TENM2: variants seen among roughly 807,000 people sequenced by gnomAD.
TENM2 encodes the protein teneurin-2.
Under a neutral mutation model 245.2 loss-of-function variants are expected in TENM2, and 52 were observed. That is an observed-to-expected ratio of 0.21 (90% confidence interval 0.17 to 0.27). TENM2 has a LOEUF of 0.27. Among genes scored for constraint, TENM2 ranks in the 10% least tolerant of loss-of-function variants. The pLI, the probability that TENM2 is intolerant of heterozygous loss-of-function variation, is 1.00. For missense variants in TENM2, 3,046 were observed against 3,666.8 expected, an observed-to-expected ratio of 0.83 and a Z score of 4.37; for synonymous variants, 1,363 against 1,438.9, an observed-to-expected ratio of 0.95 and a Z score of 1.19.
At chr5:166,993,759 G>T in the TENM2 span, among the ~76,000 whole-genome samples, 1 of 152,170 alleles carries the variant, frequency 6.6e-6, no homozygotes, top group African/African-American at 2.4e-5. Flanking sequence ...GGTGATAAAG[G>T]CGTCTAATTT....
At chr5:168,016,003 A>G (rs1310621910) in intron 5 of TENM2, among the ~76,000 whole-genome samples, 1 of 152,172 alleles carries the variant, frequency 6.6e-6, no homozygotes, top group Non-Finnish European at 1.5e-5. Flanking sequence ...CAAGAGGCCT[A>G]TATTCCCCTC....
intron 5 of TENM2, among the ~76,000 whole-genome samples, chr5:168,034,336 G>A (rs1252282862): frequency 6.6e-5 from 9 of 135,494 alleles, no homozygotes; most frequent in South Asian, 2.3e-4. Context: ...GTGAGACTCC[G>A]TCTAAAAAAA....
intron 2 of TENM2, among the ~76,000 whole-genome samples, chr5:167,648,008 A>G (rs1260844678): frequency 1.3e-5 from 2 of 152,216 alleles, no homozygotes; most frequent in South Asian, 2.1e-4. Context: ...CCAAAAAGCA[A>G]TCCTCAGGAC....
At chr5:167,550,699 A>AGTGTGTGTGT (rs10581183) in intron 2 of TENM2, among the ~76,000 whole-genome samples, 4 of 114,176 alleles carry the variant, frequency 3.5e-5, no homozygotes, top group African/African-American at 3.5e-5. Flanking sequence ...TGTTGTTGTT[A>AGTGTGTGTGT]GTGTGTGTGT....
chr5:168,087,504 G>A (rs970082376), intron 7 of TENM2: 1 of 152,422 alleles, frequency 6.6e-6, no homozygotes, highest in Non-Finnish European at 1.5e-5. Flanking sequence ...AGCTACTCGG[G>A]AGGCTGAGGC....
intron 2 of TENM2, among the ~76,000 whole-genome samples, chr5:167,682,362 T>C (rs892061228): frequency 1.8e-4 from 27 of 151,844 alleles, no homozygotes; most frequent in African/African-American, 5.8e-4. Flanking sequence ...GGGGTTTCAC[T>C]ATGTTGGCCA....
chr5:167,807,124 T>TAAAAAAAAAAAAAAAAAA lies in TENM2; in HGVS notation c.503-68847_503-68830dup, dbSNP rs1178739925. On this transcript the variant is annotated intron_variant, in intron 2 of 28. Coordinates refer to ENST00000518659, the Ensembl canonical transcript of TENM2. ...ACAGTTTGGCCCAAAGCCCCTAGGT[T>TAAAAAAAAAAAAAAAAAA]AAAAAAAAAAAAAAAAAAAAAAAAA... is the stretch of plus-strand genomic sequence containing the variant. Among the ~76,000 whole-genome samples the TAAAAAAAAAAAAAAAAAA allele has an allele frequency of 8.2e-4, 40 of 49,068 alleles. 1 individual carries two copies. Among genetic ancestry groups the TAAAAAAAAAAAAAAAAAA allele is most frequent in the African/African-American group, 1.4e-3 (16 of 11,840 alleles). The allele number at this position is 49,068 out of a possible 152,430, so 32.2% of individuals were successfully genotyped here.
At chr5:167,417,567 T>C (rs1244959316) in intron 2 of TENM2, among the ~76,000 whole-genome samples, 1 of 152,160 alleles carries the variant, frequency 6.6e-6, no homozygotes, top group Non-Finnish European at 1.5e-5. Flanking sequence ...CTAACTATAA[T>C]TGTAATTTAT....
intron 2 of TENM2, among the ~76,000 whole-genome samples, chr5:167,432,722 A>G (rs1582030985): frequency 6.6e-6 from 1 of 151,998 alleles, no homozygotes; most frequent in African/African-American, 2.4e-5. Flanking sequence ...TTTCTATTCC[A>G]GTTAACTTTT....
the TENM2 span, among the ~76,000 whole-genome samples, chr5:167,007,655 T>A: frequency 5.3e-5 from 8 of 152,106 alleles, no homozygotes; most frequent in African/African-American, 1.7e-4. This position sits in a 1 kb window ranked among gnomAD's most constrained non-coding sequence, Gnocchi z 4.2. Flanking sequence ...AAAAATTGAG[T>A]CTTGGCATTC....
chr5:167,274,775 T>G, the TENM2 span, among the ~76,000 whole-genome samples: 7 of 152,042 alleles, frequency 4.6e-5, no homozygotes, highest in Non-Finnish European at 1.5e-5. Context: ...TGTTTTCATA[T>G]GTTTATCTGC....
chr5:167,180,865 T>C, the TENM2 span, among the ~76,000 whole-genome samples: 1 of 151,476 alleles, frequency 6.6e-6, no homozygotes, highest in African/African-American at 2.4e-5. Context: ...TCTTGCTGCC[T>C]CTGGGGTGGC....
intron 2 of TENM2, among the ~76,000 whole-genome samples, chr5:167,628,619 T>C (rs1257486910): frequency 1.3e-5 from 2 of 152,178 alleles, no homozygotes; most frequent in Non-Finnish European, 2.9e-5. Context: ...GAAATCAGGA[T>C]GACACAGTAC....
intron 5 of TENM2, among the ~76,000 whole-genome samples, chr5:168,011,143 G>A (rs1581049233): frequency 1.3e-5 from 2 of 152,208 alleles, no homozygotes; most frequent in Non-Finnish European, 2.9e-5. Flanking sequence ...TCATTAATGA[G>A]GTGGTCAGGG....
exon 27 of TENM2, chr5:168,246,807 C>T: frequency 6.2e-7 from 1 of 1,614,004 alleles, no homozygotes; most frequent in Non-Finnish European, 8.5e-7. Flanking sequence ...TTGAGTATGA[C>T]TCCTCTGACC....
intron 12 of TENM2, among the ~76,000 whole-genome samples, chr5:168,130,765 T>C (rs1340140107): frequency 6.6e-6 from 1 of 152,106 alleles, no homozygotes; most frequent in African/African-American, 2.4e-5. Flanking sequence ...GGTACGTGCC[T>C]GTAGTCCCAG....
At chr5:167,785,867 C>A (rs1240934741) in intron 2 of TENM2, among the ~76,000 whole-genome samples, 1 of 152,152 alleles carries the variant, frequency 6.6e-6, no homozygotes, top group Non-Finnish European at 1.5e-5. Flanking sequence ...TAAATAATTT[C>A]TGTCCATCCC....
At chr5:168,034,160 T>C (rs1787442663) in intron 5 of TENM2, among the ~76,000 whole-genome samples, 1 of 102,892 alleles carries the variant, frequency 9.7e-6, no homozygotes, top group South Asian at 2.8e-4. Context: ...TGTATATATA[T>C]ATGTATATAT....
intron 1 of TENM2, among the ~76,000 whole-genome samples, chr5:167,331,546 G>A (rs1317887011): frequency 1.3e-5 from 2 of 152,166 alleles, no homozygotes; most frequent in Non-Finnish European, 2.9e-5. Context: ...TACAATGTAG[G>A]ATATTCTGTC....
Sources: gnomAD v4.1 joint callset for allele counts (sites outside exome capture counted in the v4.1 genomes callset) on GRCh38, gnomAD v4.1.1 for gene constraint, Gnocchi (gnomAD v3.1) non-coding constraint, MANE v1.5 for transcripts, NCBI Gene and HGNC (gene_info 2026-07-23, HGNC 2026-07-21) for gene names.